The following PRKAR1B variants were observed in gnomAD, a reference collection of about 807,000 sequenced individuals.
PRKAR1B encodes the protein cAMP-dependent protein kinase type I-beta regulatory subunit.
PRKAR1B carries 22 observed loss-of-function variants against 46.5 expected under a neutral mutation model. The ratio of observed to expected loss-of-function variants is 0.47; its 90% CI spans 0.34 to 0.68. The LOEUF is 0.68. Among genes scored for constraint, PRKAR1B ranks in the 30% least tolerant of loss-of-function variants. The pLI is 0.01. For missense variants in PRKAR1B, 445 were observed against 535.6 expected (o/e 0.83, Z 1.67); for synonymous variants, 259 against 217.7 (o/e 1.19, Z -1.67).
At chr7:704,699 G>A (rs1583443616) in intron 2 of PRKAR1B, among the ~76,000 whole-genome samples, 1 of 152,160 alleles carries the variant, frequency 6.6e-6, no homozygotes, top group East Asian at 1.9e-4. Context: ...AACCCAGGAG[G>A]GGCGGGTTGC....
Position 550,280 on chromosome 7 carries a change from A to T in PRKAR1B, c.*150T>A, listed in dbSNP as rs1307054897. ...CACAAGGTGATCATTTATTCCAAAAAGTGAGTCCGGGGAAGGGGCAGTCCT... is the reference window on the plus strand; with the variant it reads ...CACAAGGTGATCATTTATTCCAAAATGTGAGTCCGGGGAAGGGGCAGTCCT... On this transcript the variant is annotated 3_prime_UTR_variant, in exon 11 of 11. Transcript: ENST00000537384. 6.3e-6 allele frequency: 4 copies of T among 633,456 alleles called. No individual in the cohort carries two copies. In the African/African-American group the frequency reaches 7.4e-5, roughly 12 times the overall value. 39.2% of individuals were successfully genotyped at this position (633,456 alleles called of 1,614,324 possible).
rs1778988766 is a variant in PRKAR1B, at chr7:685,307, CGTATATAT to C, written c.178-4589_178-4582del. On this transcript the variant is annotated intron_variant, in intron 2 of 10. Coordinates refer to ENST00000537384, the MANE Select transcript of PRKAR1B (RefSeq NM_001164760.2). ...ATATATATGTATACATATATATATA[CGTATATAT>C]ACGTATATATACGTATATATACGTA... is the stretch of plus-strand genomic sequence containing the variant. 4.8e-4 allele frequency among the ~76,000 whole-genome samples: 4 copies of C among 8,352 alleles called. 1 individual carries two copies. Among genetic ancestry groups the C allele is most frequent in the East Asian group, 6.8e-3 (2 of 294 alleles). 5.5% of individuals were successfully genotyped at this position (8,352 alleles called of 152,430 possible). A position where few individuals can be genotyped will look rare whatever the true frequency, so the allele number is the denominator to read the frequency against.
At chr7:558,329 A>G (rs1030850048) in intron 9 of PRKAR1B, among the ~76,000 whole-genome samples, 68 of 58,076 alleles carry the variant, frequency 1.2e-3, no homozygotes, top group African/African-American at 3.8e-3. Context: ...CTGTCTCAGG[A>G]AAAAAAAAAA....
At chr7:687,178 T>A (rs1040854642) in intron 2 of PRKAR1B, among the ~76,000 whole-genome samples, 2 of 152,260 alleles carry the variant, frequency 1.3e-5, no homozygotes, top group African/African-American at 4.8e-5. Flanking sequence ...TGTTGGGAAC[T>A]CAATCAAAAA....
At chr7:583,939 AGC>A (rs1780449987) in intron 8 of PRKAR1B, among the ~76,000 whole-genome samples, 1 of 152,204 alleles carries the variant, frequency 6.6e-6, no homozygotes, top group Non-Finnish European at 1.5e-5. Flanking sequence ...AGGCTTCAGC[AGC>A]GTCTTTCCTG....
chr7:719,375 C>T (rs745429427), intron 1 of PRKAR1B, among the ~76,000 whole-genome samples: 3 of 152,060 alleles, frequency 2.0e-5, no homozygotes, highest in African/African-American at 4.8e-5. Context: ...ATGGGGGTCT[C>T]ACTATGTTGC....
Position 596,308 on chromosome 7 carries a change from T to G in PRKAR1B, c.550-4A>C, listed in dbSNP as rs78509519. 1 of 1,607,582 alleles carries G rather than the reference T, an allele frequency of 6.2e-7. No individual in the cohort carries two copies. The highest frequency in any genetic ancestry group is 8.5e-7 in the Non-Finnish European group (1 of 1,175,448). On this transcript the variant is annotated splice_region_variant and splice_polypyrimidine_tract_variant and intron_variant, in intron 6 of 10. Transcript: ENST00000537384. ...CCCACTCTCCGTTCACGTACACCTT[T>G]GGGGAGCAAGAGAGAGAAGTGTCAC... is the stretch of plus-strand genomic sequence containing the variant.
intron 4 of PRKAR1B, among the ~76,000 whole-genome samples, chr7:663,585 G>T (rs1785736224): frequency 2.0e-5 from 3 of 152,146 alleles, no homozygotes; most frequent in Admixed American, 2.0e-4. Context: ...AAGGCTCTCG[G>T]TCAGGAGGGG....
chr7:646,054 T>A (rs755514190), intron 4 of PRKAR1B, among the ~76,000 whole-genome samples: 1 of 152,170 alleles, frequency 6.6e-6, no homozygotes, highest in Non-Finnish European at 1.5e-5. Flanking sequence ...CACGCTATTT[T>A]TTTTTTTAAG....
intron 9 of PRKAR1B, among the ~76,000 whole-genome samples, chr7:576,463 T>A (rs1055535435): frequency 2.0e-5 from 3 of 152,204 alleles, no homozygotes; most frequent in African/African-American, 7.2e-5. Context: ...CCTTCGTGAA[T>A]GTCCGTGCAG....
At chr7:689,074 A>T (rs1217350030) in intron 2 of PRKAR1B, among the ~76,000 whole-genome samples, 1 of 152,220 alleles carries the variant, frequency 6.6e-6, no homozygotes, top group Non-Finnish European at 1.5e-5. Context: ...TTGAGGAAAT[A>T]AAAGACAAAA....
chr7:573,586 G>A (rs1212135075), intron 9 of PRKAR1B, among the ~76,000 whole-genome samples: 2 of 152,310 alleles, frequency 1.3e-5, no homozygotes, highest in South Asian at 2.1e-4. Context: ...CCACACTGCC[G>A]GAGAGCCGGG....
chr7:617,675 C>G (rs991103801), intron 4 of PRKAR1B, among the ~76,000 whole-genome samples: 2 of 152,154 alleles, frequency 1.3e-5, no homozygotes, highest in Non-Finnish European at 2.9e-5. Context: ...CAGATACTCT[C>G]CCGGCCCCAG....
At chr7:575,128 GC>G (rs1779743721) in intron 9 of PRKAR1B, among the ~76,000 whole-genome samples, 1 of 152,244 alleles carries the variant, frequency 6.6e-6, no homozygotes, top group Non-Finnish European at 1.5e-5. Context: ...GAGGGGCTCA[GC>G]CGGGCGGTTC....
chr7:640,159 T>C (rs1023216944), intron 4 of PRKAR1B, among the ~76,000 whole-genome samples: 2 of 148,098 alleles, frequency 1.4e-5, no homozygotes, highest in Admixed American at 1.3e-4. Context: ...CGAGACTCCG[T>C]CTCGAAAAAA....
At chr7:690,811 C>T (rs576845916) in intron 2 of PRKAR1B, among the ~76,000 whole-genome samples, 2 of 152,294 alleles carry the variant, frequency 1.3e-5, no homozygotes, top group African/African-American at 4.8e-5. Flanking sequence ...AAAAACACAA[C>T]ACCCAGCAGT....
chr7:563,327 A>C (rs905270115), intron 9 of PRKAR1B, among the ~76,000 whole-genome samples: 3 of 152,210 alleles, frequency 2.0e-5, no homozygotes, highest in Non-Finnish European at 4.4e-5. Flanking sequence ...TGAGCCTAAA[A>C]ACCCTCCACA....
rs1554301104 is a variant in PRKAR1B, at chr7:673,077, A to AAAC, written c.440+4151_440+4152insGTT. ...AAAAAAAAAAAAAAAAAAAAAAAAA[A>AAAC]ACACACACACACAGAATGGACAGCT... On this transcript the variant is annotated intron_variant, in intron 4 of 10. Coordinates refer to ENST00000537384, the MANE Select transcript of PRKAR1B (RefSeq NM_001164760.2). 2.6e-3 allele frequency among the ~76,000 whole-genome samples: 298 copies of AAAC among 116,162 alleles called. 7 individuals carry two copies. Among genetic ancestry groups the AAAC allele is most frequent in the African/African-American group, 9.2e-3 (238 of 25,774 alleles). The allele number at this position is 116,162 out of a possible 152,430, so 76.2% of individuals were successfully genotyped here. A position where few individuals can be genotyped will look rare whatever the true frequency, so the allele number is the denominator to read the frequency against.
rs553198976 is a variant in PRKAR1B at position 554,950 on chromosome 7, G to A, written c.892-3480C>T. Among the ~76,000 whole-genome samples, 28 of 152,314 alleles carry A rather than the reference G, an allele frequency of 1.8e-4. 1 individual carries two copies. The East Asian group carries it at 2.7e-3, about 15-fold the overall frequency. ...CTCTTGCTTCCTGCTCTGGGACCTC[G>A]GGGAGGTGCAAGGTCCTCAATCAGG... On this transcript the variant is annotated intron_variant, in intron 9 of 10. Transcript: ENST00000537384.
Sources: gnomAD v4.1 joint callset for allele counts (sites outside exome capture counted in the v4.1 genomes callset) on GRCh38, gnomAD v4.1.1 for gene constraint, MANE v1.5 for transcripts, NCBI Gene and HGNC (gene_info 2026-07-23, HGNC 2026-07-21) for gene names.